CCDC148: variants seen among roughly 807,000 people sequenced by gnomAD.
CCDC148 encodes the protein coiled-coil domain-containing protein 148.
CCDC148 carries 89 observed loss-of-function variants against 85.7 expected under a neutral mutation model. The observed-to-expected ratio is 1.04, with a 90% confidence interval of 0.87 to 1.24. The LOEUF (loss-of-function observed/expected upper bound fraction) is 1.24, where lower values mean the gene tolerates loss of function less well. Ranked by LOEUF, CCDC148 falls within the 50% of genes most tolerant of loss-of-function variation. The pLI is 0.00. For missense variants in CCDC148, 692 were observed against 671.7 expected, an observed-to-expected ratio of 1.03 and a Z score of -0.33; for synonymous variants, 230 against 213.9, an observed-to-expected ratio of 1.08 and a Z score of -0.66.
At chr2:158,379,162 T>C (rs1179127011) in intron 1 of CCDC148, among the ~76,000 whole-genome samples, 2 of 152,150 alleles carry the variant, frequency 1.3e-5, no homozygotes, top group East Asian at 3.9e-4. Context: ...AATAGCAGCA[T>C]TAACAAGAGT....
At chr2:158,215,524 G>C (rs1686802177) in intron 11 of CCDC148, among the ~76,000 whole-genome samples, 1 of 151,792 alleles carries the variant, frequency 6.6e-6, no homozygotes, top group South Asian at 2.1e-4. Context: ...ACAGAAGGAG[G>C]CACCTTTTTC....
intron 7 of CCDC148, among the ~76,000 whole-genome samples, chr2:158,331,289 T>G (rs1445907131): frequency 6.6e-6 from 1 of 152,214 alleles, no homozygotes; most frequent in Non-Finnish European, 1.5e-5. Context: ...AGGAGCAGGT[T>G]GTTCAGTTTC....
In CCDC148 at chr2:158,358,351, A is replaced by G. The variant is rs533856237; in HGVS notation, c.147+98T>C. ...TTCTACTTGGGAGTTTCTAACAACTATTTGGAATGTCATTTATTTTCACAT... is the reference window on the plus strand; with the variant it reads ...TTCTACTTGGGAGTTTCTAACAACTGTTTGGAATGTCATTTATTTTCACAT... On this transcript the variant is annotated intron_variant, in intron 2 of 13. Transcript: ENST00000283233. The G allele has an allele frequency of 8.7e-4, 1,235 of 1,420,338 alleles. 10 individuals are homozygous for G. The Middle Eastern group carries it at 0.016, about 18-fold the overall frequency. 88.0% of individuals were successfully genotyped at this position (1,420,338 alleles called of 1,614,324 possible). A position where few individuals can be genotyped will look rare whatever the true frequency, so the allele number is the denominator to read the frequency against.
intron 11 of CCDC148, among the ~76,000 whole-genome samples, chr2:158,197,757 C>G (rs894864582): frequency 3.3e-5 from 5 of 152,072 alleles, no homozygotes; most frequent in African/African-American, 1.2e-4. Flanking sequence ...TATTGCCACT[C>G]TAATGATAGA....
At chr2:158,279,629 A>G (rs180869155) in intron 9 of CCDC148, among the ~76,000 whole-genome samples, 3,188 of 152,322 alleles carry the variant, frequency 0.021, 54 homozygotes, top group South Asian at 0.049. Context: ...GACTATGTGA[A>G]AAGACCAAAT....
At chr2:158,390,059 G>T (rs1019777601) in intron 1 of CCDC148, among the ~76,000 whole-genome samples, 7 of 152,108 alleles carry the variant, frequency 4.6e-5, no homozygotes, top group Admixed American at 1.3e-4. Flanking sequence ...CTTTACAAAA[G>T]AAGTTATTTT....
At chr2:158,386,861 C>T (rs1685107181) in intron 1 of CCDC148, among the ~76,000 whole-genome samples, 2 of 152,134 alleles carry the variant, frequency 1.3e-5, no homozygotes, top group South Asian at 4.1e-4. Context: ...CACCTTCATT[C>T]ACCTTTCATT....
At chr2:158,266,887 TTTA>T (rs1457883230) in intron 9 of CCDC148, among the ~76,000 whole-genome samples, 3 of 136,054 alleles carry the variant, frequency 2.2e-5, no homozygotes, top group Non-Finnish European at 5.0e-5. Context: ...TATATATATA[TTTA>T]TTTACATATA....
intron 1 of CCDC148, among the ~76,000 whole-genome samples, chr2:158,439,452 A>G (rs369197158): frequency 1.3e-5 from 2 of 152,074 alleles, no homozygotes; most frequent in Admixed American, 6.6e-5. Flanking sequence ...CAGGGTGGGG[A>G]ACGTCACACA....
At chr2:158,291,328 A>C (rs2105187980) in intron 9 of CCDC148, among the ~76,000 whole-genome samples, 1 of 151,740 alleles carries the variant, frequency 6.6e-6, no homozygotes. Flanking sequence ...GTAGACAAAA[A>C]CTCCTGCTCC....
chr2:158,313,734 T>C (rs763066214), intron 8 of CCDC148, 22 bp downstream of exon 8: 26 of 1,592,040 alleles, frequency 1.6e-5, no homozygotes, highest in Non-Finnish European at 2.1e-5. Flanking sequence ...CTTGCCAGTA[T>C]GTAGGTAGGT....
chr2:158,413,532 T>A (rs1407108371), intron 1 of CCDC148, among the ~76,000 whole-genome samples: 1 of 152,020 alleles, frequency 6.6e-6, no homozygotes, highest in Admixed American at 6.6e-5. Flanking sequence ...CTACTAAGGA[T>A]AAAGTGACGA....
At chr2:158,315,522 T>C (rs1692235950) in intron 7 of CCDC148, among the ~76,000 whole-genome samples, 1 of 152,128 alleles carries the variant, frequency 6.6e-6, no homozygotes, top group East Asian at 1.9e-4. Flanking sequence ...TATTTGATTA[T>C]AAATGTGGAT....
At chr2:158,233,390 C>T (rs1486918634) in intron 10 of CCDC148, among the ~76,000 whole-genome samples, 1 of 151,674 alleles carries the variant, frequency 6.6e-6, no homozygotes, top group Non-Finnish European at 1.5e-5. Flanking sequence ...TCTATATGAT[C>T]AATTTTACAA....
At chr2:158,324,920 T>C (rs1227870332) in intron 7 of CCDC148, among the ~76,000 whole-genome samples, 1 of 151,928 alleles carries the variant, frequency 6.6e-6, no homozygotes, top group Non-Finnish European at 1.5e-5. Context: ...CCTGTTAGAG[T>C]AGCAGATGAA....
chr2:158,288,417 A>T (rs1265311863), intron 9 of CCDC148, among the ~76,000 whole-genome samples: 2 of 152,130 alleles, frequency 1.3e-5, no homozygotes, highest in African/African-American at 2.4e-5. Flanking sequence ...CTTTAACAGA[A>T]CCCAGGTCAC....
intron 1 of CCDC148, chr2:158,419,958 G>A (rs549558545): frequency 6.6e-6 from 1 of 152,198 alleles, no homozygotes; most frequent in South Asian, 2.1e-4. Flanking sequence ...TAGTTGCTCT[G>A]CCATCACTAC....
At chr2:158,428,727 G>T (rs1205590396) in intron 1 of CCDC148, among the ~76,000 whole-genome samples, 1 of 151,800 alleles carries the variant, frequency 6.6e-6, no homozygotes, top group Non-Finnish European at 1.5e-5. Context: ...AGACAGTGTG[G>T]CGATTCCTCA....
intron 2 of CCDC148, among the ~76,000 whole-genome samples, chr2:158,349,789 T>C (rs1263906906): frequency 2.0e-5 from 3 of 151,954 alleles, no homozygotes; most frequent in East Asian, 1.9e-4. Flanking sequence ...AAAAAGCAAG[T>C]GTTAGAAAAT....
Sources: gnomAD v4.1 joint callset for allele counts (sites outside exome capture counted in the v4.1 genomes callset) on GRCh38, gnomAD v4.1.1 for gene constraint, MANE v1.5 for transcripts, NCBI Gene and HGNC (gene_info 2026-07-23, HGNC 2026-07-21) for gene names.